The following TMEM242 variants were observed in gnomAD, a reference collection of about 807,000 sequenced individuals.
TMEM242 encodes transmembrane protein 242.
A neutral mutation model predicts 18.2 loss-of-function variants in TMEM242; 10 were observed. That is an observed-to-expected ratio of 0.55 (90% CI 0.34 to 0.93). TMEM242 has a LOEUF of 0.93. Among genes scored for constraint, TMEM242 ranks in the 40% least tolerant of loss-of-function variants. The pLI is 0.02. For synonymous variants in TMEM242, 57 were observed against 69.9 expected, an observed-to-expected ratio of 0.81 and a Z score of 0.92; for missense variants, 186 against 175.5, an observed-to-expected ratio of 1.06 and a Z score of -0.34.
intron 2 of TMEM242, among the ~76,000 whole-genome samples, chr6:157,320,602 C>G (rs1416888270): frequency 6.6e-6 from 1 of 152,146 alleles, no homozygotes; most frequent in Non-Finnish European, 1.5e-5. Context: ...TCCCAAGTAG[C>G]TGGGATTACA....
intron 3 of TMEM242, among the ~76,000 whole-genome samples, chr6:157,314,898 A>G (rs1212511646): frequency 6.6e-6 from 1 of 152,164 alleles, no homozygotes; most frequent in Non-Finnish European, 1.5e-5. Flanking sequence ...AACCGCAAGC[A>G]CTTTCATCAA....
intron 3 of TMEM242, among the ~76,000 whole-genome samples, chr6:157,298,425 C>T (rs1184137306): frequency 6.6e-6 from 1 of 152,126 alleles, no homozygotes; most frequent in Non-Finnish European, 1.5e-5. Flanking sequence ...TAACAGCTAC[C>T]ATCAGATCAC....
intron 3 of TMEM242, among the ~76,000 whole-genome samples, chr6:157,316,340 C>T (rs1341539550): frequency 2.6e-5 from 4 of 152,170 alleles, no homozygotes; most frequent in Admixed American, 1.3e-4. Flanking sequence ...CCAATTTCCT[C>T]ATTTATAAAA....
chr6:157,313,532 G>GGATCCCAGTGTCTGCTCACCTGGCC (rs1778283111), intron 3 of TMEM242, among the ~76,000 whole-genome samples: 284 of 46,722 alleles, frequency 6.1e-3, no homozygotes, highest in African/African-American at 0.019. Flanking sequence ...GTCATCTGGC[G>GGATCCCAGTGTCTGCTCACCTGGCC]TCATCATAGT....
At chr6:157,313,957 G>A (rs1554249998) in intron 3 of TMEM242, among the ~76,000 whole-genome samples, 322 of 135,344 alleles carry the variant, frequency 2.4e-3, no homozygotes, top group Non-Finnish European at 3.7e-3. Flanking sequence ...CAGTGTCCCA[G>A]TGTCCGCTCA....
intron 3 of TMEM242, among the ~76,000 whole-genome samples, chr6:157,314,871 C>T (rs1055106423): frequency 1.3e-5 from 2 of 152,218 alleles, no homozygotes; most frequent in Non-Finnish European, 2.9e-5. Context: ...GCAGATGTAG[C>T]TGCGAATTAA....
intron 2 of TMEM242, among the ~76,000 whole-genome samples, chr6:157,321,007 T>C (rs982265793): frequency 1.3e-5 from 2 of 150,156 alleles, no homozygotes; most frequent in African/African-American, 2.4e-5. Context: ...TCTTTTTTTT[T>C]TTTTCTTTTT....
intron 3 of TMEM242, among the ~76,000 whole-genome samples, chr6:157,310,848 G>C (rs1554248478): frequency 6.9e-6 from 1 of 144,046 alleles, no homozygotes; most frequent in African/African-American, 2.5e-5. Context: ...GTGTCCCAGT[G>C]TGCACTCACC....
At chr6:157,314,187 T>C (rs1418449772) in intron 3 of TMEM242, among the ~76,000 whole-genome samples, 105 of 1,790 alleles carry the variant, frequency 0.059, no homozygotes, top group Middle Eastern at 0.12. Flanking sequence ...CATCATAGTG[T>C]CCCAGTGTGC....
chr6:157,322,365 A>G (rs1263467179), intron 2 of TMEM242, among the ~76,000 whole-genome samples: 2 of 152,156 alleles, frequency 1.3e-5, no homozygotes, highest in Non-Finnish European at 2.9e-5. Context: ...TCCTGACCTC[A>G]GGTGATCTGC....
chr6:157,310,025 C>T (rs1162451664), intron 3 of TMEM242, among the ~76,000 whole-genome samples: 4 of 152,156 alleles, frequency 2.6e-5, no homozygotes, highest in Non-Finnish European at 4.4e-5. Flanking sequence ...GCGCATACCC[C>T]CCTGATAAAG....
intron 3 of TMEM242, among the ~76,000 whole-genome samples, chr6:157,302,077 T>C (rs1554247566): frequency 1.3e-5 from 2 of 152,124 alleles, no homozygotes; most frequent in African/African-American, 4.8e-5. Context: ...TCAGTAAGGA[T>C]CAGATACCCC....
intron 3 of TMEM242, among the ~76,000 whole-genome samples, chr6:157,312,358 T>TGCC (rs1583568744): frequency 1.6e-4 from 2 of 12,724 alleles, no homozygotes; most frequent in African/African-American, 2.4e-4. Flanking sequence ...CCTCATCATG[T>TGCC]CCCAGTGTGC....
At chr6:157,303,452 CA>C (rs1169701825) in intron 3 of TMEM242, among the ~76,000 whole-genome samples, 2 of 152,076 alleles carry the variant, frequency 1.3e-5, no homozygotes, top group Non-Finnish European at 2.9e-5. Context: ...TTTTCAAAGC[CA>C]ATACCCACTT....
At chr6:157,311,629 C>A (rs797026319) in intron 3 of TMEM242, among the ~76,000 whole-genome samples, 6 of 16,348 alleles carry the variant, frequency 3.7e-4, no homozygotes, top group Admixed American at 8.1e-4. Flanking sequence ...TGTGCGCTCA[C>A]CTGGCCTCAT....
At chr6:157,299,807 C>T in intron 3 of TMEM242, 2 of 1,608,194 alleles carry the variant, frequency 1.2e-6, no homozygotes, top group African/African-American at 1.3e-5. Flanking sequence ...GAAAGGGCTG[C>T]CATGTTGAAG....
intron 3 of TMEM242, among the ~76,000 whole-genome samples, chr6:157,313,678 T>C (rs1162290338): frequency 1.6e-3 from 234 of 142,164 alleles, no homozygotes; most frequent in African/African-American, 6.5e-3. Context: ...CCCATCATAG[T>C]GTCCCAATGT....
chr6:157,319,111 G>A (rs1778455020), intron 2 of TMEM242, among the ~76,000 whole-genome samples, 192 bp from the exon 3 acceptor site: 1 of 152,152 alleles, frequency 6.6e-6, no homozygotes, highest in African/African-American at 2.4e-5. Context: ...GAGTATGCAA[G>A]GCACCTTGCC....
rs781970500 is a variant in TMEM242, at chr6:157,318,738, A to G, written c.327+44T>C. 4.4e-6 allele frequency: 7 copies of G among 1,607,908 alleles called. No homozygotes were observed. The African/African-American group carries it at 9.4e-5, about 22-fold the overall frequency. ...CAGAAAAATTTAGAACACAGTAAGC[A>G]GAATAAACATGTAGATACCAGGGAC... is the stretch of plus-strand genomic sequence containing the variant. On this transcript the variant is annotated intron_variant, in intron 3 of 3. Coordinates refer to ENST00000400788, the MANE Select transcript of TMEM242 (RefSeq NM_018452.6).
Sources: allele counts gnomAD v4.1 joint callset (sites outside exome capture counted in the v4.1 genomes callset), GRCh38; gene constraint gnomAD v4.1.1; transcripts MANE v1.5; gene names NCBI Gene and HGNC (gene_info 2026-07-23, HGNC 2026-07-21).